Variants in COL15A1 observed in about 807,000 individuals in gnomAD.
The protein encoded by COL15A1 is collagen alpha-1(XV) chain.
In COL15A1, 111 loss-of-function variants were observed where a neutral mutation model predicts 165.9. The observed-to-expected ratio is 0.67, with a 90% CI of 0.57 to 0.78. The LOEUF is 0.78. Among genes scored for constraint, COL15A1 ranks in the 30% least tolerant of loss-of-function variants. The pLI, the probability that COL15A1 is intolerant of heterozygous loss-of-function variation, is 0.00. For missense variants in COL15A1, 1,745 were observed against 1,789.7 expected (o/e 0.98, Z 0.45); for synonymous variants, 659 against 674.8 (o/e 0.98, Z 0.36).
At chr9:99,024,788 A>C (rs1369084157) in intron 14 of COL15A1, 86 bp from the exon 15 acceptor site, 1 of 1,474,596 alleles carries the variant, frequency 6.8e-7, no homozygotes, top group Non-Finnish European at 9.2e-7. Flanking sequence ...GATTGTTGAA[A>C]GAATTTGAGA....
intron 2 of COL15A1, among the ~76,000 whole-genome samples, chr9:98,950,974 G>C (rs544174970): frequency 2.9e-4 from 44 of 152,246 alleles, no homozygotes; most frequent in African/African-American, 9.4e-4. Context: ...ATCTTCTCTG[G>C]AGAAATCCTG....
rs182474890 is a variant in COL15A1, at chr9:99,044,512, T to C, written c.2575-56T>C. The C allele has an allele frequency of 3.0e-4, 464 of 1,545,498 alleles. 3 individuals are homozygous for C. In the African/African-American group the frequency reaches 5.7e-3, roughly 19 times the overall value. On this transcript the variant is annotated intron_variant, in intron 24 of 41. Coordinates refer to ENST00000375001, the MANE Select transcript of COL15A1 (RefSeq NM_001855.5). Reference sequence around the variant, plus strand: ...GGAGGAGTCTCTGTACAAAACTCTCTGGACAAGGTGGCAAGGAGGAGTCCT... The same window carrying C: ...GGAGGAGTCTCTGTACAAAACTCTCCGGACAAGGTGGCAAGGAGGAGTCCT...
intron 2 of COL15A1, among the ~76,000 whole-genome samples, chr9:98,972,222 T>C (rs528958292): frequency 2.6e-5 from 4 of 152,272 alleles, no homozygotes; most frequent in African/African-American, 9.6e-5. Context: ...GGACTAAGCA[T>C]AGGTCTGTCT....
In COL15A1 at chr9:99,047,993, T is replaced by C; in HGVS notation, c.2786T>C (p.Ile929Thr). 2 of 1,566,398 alleles carry C rather than the reference T, an allele frequency of 1.3e-6. No individual in the cohort carries two copies. The highest frequency in any genetic ancestry group is 2.7e-5 in the African/African-American group (2 of 73,856). Residue 929 changes from isoleucine (I) to threonine (T), a missense_variant, in exon 28 of 42, where the codon ATT (isoleucine) becomes ACT (threonine). Physicochemically the swap from Ile to Thr is moderately conservative, Grantham distance 89. Transcript: ENST00000375001. Reference protein sequence around the residue: ...LKGTKGDPGVIMQGPPGLPGP... With the variant: ...LKGTKGDPGVTMQGPPGLPGP... Reference sequence around the variant, plus strand: ...GGTACCAAAGGAGATCCAGGGGTCATTATGCAGGTGAGTCACCCTGGGGAT... The same window carrying C: ...GGTACCAAAGGAGATCCAGGGGTCACTATGCAGGTGAGTCACCCTGGGGAT...
rs778442724 is a variant in COL15A1 at position 99,035,049 on chromosome 9, G to A, written c.2115G>A (p.Pro705=). The change falls in exon 18 of 42, where the codon CCG becomes CCA. Residue 705 remains proline (P), a synonymous_variant. Coordinates refer to ENST00000375001, the MANE Select transcript of COL15A1 (RefSeq NM_001855.5). ...DPGNRGLPGP[P]GKKGQAGPPG... Reference sequence around the variant, plus strand: ...GCAACAGAGGCTTACCTGGACCCCCGGGGAAAAAGGGACAAGCTGGCCCTC... The same window carrying A: ...GCAACAGAGGCTTACCTGGACCCCCAGGGAAAAAGGGACAAGCTGGCCCTC... 1.1e-5 allele frequency: 18 copies of A among 1,611,902 alleles called. No homozygotes were observed. Among genetic ancestry groups the A allele is most frequent in the Admixed American group, 8.3e-5 (5 of 59,994 alleles).
chr9:99,069,529 C>A, intron 41 of COL15A1, 144 bp from the exon 42 acceptor site: 2 of 1,053,156 alleles, frequency 1.9e-6, no homozygotes, highest in Non-Finnish European at 2.7e-6. Context: ...AGAAAGCTAG[C>A]AAGGGCAATG....
Position 99,059,960 on chromosome 9 carries a change from A to G in COL15A1, c.3402+7A>G, listed in dbSNP as rs746553736. ...TCCCGGATCCAGAAACCTGGTCAGT[A>G]TTATCATCAGTGTGTAGTCATCATT... On this transcript the variant is annotated splice_region_variant and intron_variant, in intron 36 of 41. Coordinates refer to ENST00000375001, the MANE Select transcript of COL15A1 (RefSeq NM_001855.5). The G allele has an allele frequency of 1.9e-6, 3 of 1,613,710 alleles. No individual in the cohort carries two copies. The highest frequency in any genetic ancestry group is 2.2e-5 in the South Asian group (2 of 91,040).
intron 16 of COL15A1, among the ~76,000 whole-genome samples, chr9:99,029,274 A>T (rs1213504929): frequency 6.6e-6 from 1 of 152,212 alleles, no homozygotes; most frequent in Non-Finnish European, 1.5e-5. Flanking sequence ...AGTGTCCAGA[A>T]TTACTGTGGA....
intron 22 of COL15A1, 140 bp downstream of exon 22, chr9:99,038,873 C>T (rs779809276): frequency 3.4e-6 from 2 of 590,662 alleles, no homozygotes; most frequent in African/African-American, 3.7e-5. Context: ...GAAAGCTTTG[C>T]ATTTTTTGAA....
chr9:98,997,946 G>C (rs1838577400), intron 6 of COL15A1: 1 of 152,200 alleles, frequency 6.6e-6, no homozygotes, highest in Non-Finnish European at 1.5e-5. Flanking sequence ...GCCCACAGTA[G>C]GGATTGGTCG....
chr9:99,040,731 C>A, intron 23 of COL15A1, 175 bp downstream of exon 23: 1 of 1,188,908 alleles, frequency 8.4e-7, no homozygotes, highest in Non-Finnish European at 1.2e-6. Context: ...GTTGCCCAGG[C>A]TGGTCTGGAA....
At position 98,945,789 on chromosome 9, in the gene COL15A1, T is replaced by C. The variant is rs2118733304; in HGVS notation, c.100+1539T>C. 3.9e-5 allele frequency among the ~76,000 whole-genome samples: 6 copies of C among 152,298 alleles called. 1 individual carries two copies. The Middle Eastern group carries it at 0.02, about 518-fold the overall frequency. ...GCCAACTCAGTGGCAGAGGCCAACTTTGGGTTCCATGGTCTTTTGTGAACT... is the reference window on the plus strand; with the variant it reads ...GCCAACTCAGTGGCAGAGGCCAACTCTGGGTTCCATGGTCTTTTGTGAACT... On this transcript the variant is annotated intron_variant, in intron 2 of 41. Coordinates refer to ENST00000375001, the MANE Select transcript of COL15A1 (RefSeq NM_001855.5).
intron 30 of COL15A1, 80 bp from the exon 31 acceptor site, chr9:99,052,308 C>G (rs117494490): frequency 9.6e-7 from 1 of 1,043,790 alleles, no homozygotes; most frequent in Non-Finnish European, 1.5e-6. Flanking sequence ...TGTCACATGC[C>G]CCCGGGACAG....
At chr9:99,061,888 G>T in intron 36 of COL15A1, 83 bp from the exon 37 acceptor site, 2 of 1,481,746 alleles carry the variant, frequency 1.3e-6, no homozygotes, top group Non-Finnish European at 1.8e-6. Flanking sequence ...GCTCCTAGTT[G>T]ACTTTACAGA....
In COL15A1 at chr9:99,056,250, G is replaced by T. The variant is rs377049965; in HGVS notation, c.3193-10G>T. On this transcript the variant is annotated splice_polypyrimidine_tract_variant and intron_variant, in intron 34 of 41. Transcript: ENST00000375001. ...GCTTTCTCTCTGTTATTGTGTGCTT[G>T]CCTTGACAGGGCCAAAAAGGGGAGA... 16 of 1,613,894 alleles carry T rather than the reference G, an allele frequency of 9.9e-6. No homozygotes were observed. In the African/African-American group the frequency reaches 1.7e-4, roughly 17 times the overall value.
chr9:99,016,569 T>C (rs1400970142), intron 11 of COL15A1, among the ~76,000 whole-genome samples: 1 of 152,214 alleles, frequency 6.6e-6, no homozygotes, highest in Admixed American at 6.5e-5. Context: ...CTCCGTTTCC[T>C]CATCTGTGAA....
chr9:99,008,488 C>G (rs1031885492), intron 9 of COL15A1, among the ~76,000 whole-genome samples: 1 of 152,140 alleles, frequency 6.6e-6, no homozygotes, highest in Non-Finnish European at 1.5e-5. Context: ...CAAAAGAAAA[C>G]AGATTGTTAT....
intron 16 of COL15A1, among the ~76,000 whole-genome samples, chr9:99,029,941 AT>A (rs1285698075): frequency 3.3e-5 from 5 of 150,636 alleles, no homozygotes; most frequent in Admixed American, 3.3e-4. Context: ...AAAAAAAAAA[AT>A]CATATAGACC....
At chr9:98,953,975 C>T (rs1008801351) in intron 2 of COL15A1, among the ~76,000 whole-genome samples, 3 of 152,238 alleles carry the variant, frequency 2.0e-5, no homozygotes, top group African/African-American at 7.2e-5. Flanking sequence ...GTCCCAGGCA[C>T]TCTCTGGAGT....
Sources: allele counts gnomAD v4.1 joint callset (sites outside exome capture counted in the v4.1 genomes callset), GRCh38; gene constraint gnomAD v4.1.1; transcripts MANE v1.5; gene names NCBI Gene and HGNC (gene_info 2026-07-23, HGNC 2026-07-21).